The following BCAS1 variants were observed in gnomAD, a reference collection of about 807,000 sequenced individuals.
The protein encoded by BCAS1 is brain enriched myelin associated protein 1.
A neutral mutation model predicts 65.4 loss-of-function variants in BCAS1; 46 were observed. That is an observed-to-expected ratio of 0.70 (90% CI 0.55 to 0.90). The LOEUF (loss-of-function observed/expected upper bound fraction) is 0.90. Ranked by LOEUF, BCAS1 falls within the 40% of genes least tolerant of loss-of-function variation. The pLI is 0.00. For missense variants in BCAS1, 793 were observed against 771.2 expected (o/e 1.03, Z -0.33); for synonymous variants, 298 against 293.5 (o/e 1.02, Z -0.16).
At chr20:54,059,675 C>T (rs1316357078) in intron 1 of BCAS1, among the ~76,000 whole-genome samples, 1 of 152,216 alleles carries the variant, frequency 6.6e-6, no homozygotes, top group Non-Finnish European at 1.5e-5. Flanking sequence ...GCCTACTACA[C>T]TCCTAGGCTG....
chr20:53,945,091 G>T, intron 12 of BCAS1, 95 bp from the exon 13 acceptor site: 1 of 1,087,148 alleles, frequency 9.2e-7, no homozygotes, highest in Non-Finnish European at 1.4e-6. Context: ...TGTGCTAGGT[G>T]TTGGGCTAAA....
At chr20:53,991,237 G>A (rs2090751647) in intron 7 of BCAS1, among the ~76,000 whole-genome samples, 1 of 152,192 alleles carries the variant, frequency 6.6e-6, no homozygotes. Flanking sequence ...TTTCCCAGCA[G>A]TTACTAAGTT....
At chr20:54,028,354 GCATTCAGAA>G (rs2091722102) in intron 4 of BCAS1, 29 bp downstream of exon 4, 3 of 1,606,430 alleles carry the variant, frequency 1.9e-6, no homozygotes, top group Non-Finnish European at 2.6e-6. Flanking sequence ...CCCCGAGCAT[GCATTCAGAA>G]CCAAGTGGAT....
At position 53,953,623 on chromosome 20, in the gene BCAS1, C is replaced by CT; in HGVS notation, c.1623dup (p.Glu542ArgfsTer51). 1.2e-6 allele frequency: 2 copies of CT among 1,613,862 alleles called. No homozygotes were observed. Among genetic ancestry groups the CT allele is most frequent in the Non-Finnish European group, 1.7e-6 (2 of 1,179,988 alleles). On this transcript the variant is annotated frameshift_variant, in exon 12 of 13. Transcript: ENST00000688948. LOFTEE classifies it high-confidence loss of function. The stretch of plus-strand genomic sequence containing the variant: ...GACTTCTTGTCCTTCGAGGAGCCCT[C>CT]TTTACCCTTCTGTGGTGCTCCTGTT...
intron 3 of BCAS1, among the ~76,000 whole-genome samples, chr20:54,041,065 G>C (rs906027560): frequency 6.6e-6 from 1 of 151,362 alleles, no homozygotes; most frequent in African/African-American, 2.4e-5. Context: ...CTAAGTGAAA[G>C]ACGCCAGACA....
intron 12 of BCAS1, among the ~76,000 whole-genome samples, chr20:53,953,103 A>C (rs79158080): frequency 6.6e-6 from 1 of 152,232 alleles, no homozygotes; most frequent in East Asian, 1.9e-4. Context: ...TTACTTCTAC[A>C]TGCTGATTGC....
intron 9 of BCAS1, among the ~76,000 whole-genome samples, chr20:53,971,583 T>C (rs2090181117): frequency 6.6e-6 from 1 of 152,194 alleles, no homozygotes; most frequent in African/African-American, 2.4e-5. Flanking sequence ...CTCATTTACT[T>C]TGGACTGAGT....
chr20:53,944,850 T>C lies in BCAS1; in HGVS notation c.*72A>G, dbSNP rs532384806. 5.1e-6 allele frequency: 7 copies of C among 1,359,318 alleles called. No homozygotes were observed. The highest frequency in any genetic ancestry group is 1.4e-5 in the African/African-American group (1 of 69,836). The allele number at this position is 1,359,318 out of a possible 1,614,324, so 84.2% of individuals were successfully genotyped here. ...AGAAGAATATATACATGGAGCGTGTTTGGGGAGGAGATGGAGTAAGGAGAA... is the reference window on the plus strand; with the variant it reads ...AGAAGAATATATACATGGAGCGTGTCTGGGGAGGAGATGGAGTAAGGAGAA... On this transcript the variant is annotated 3_prime_UTR_variant, in exon 13 of 13. Coordinates refer to ENST00000688948, the MANE Select transcript of BCAS1 (RefSeq NM_001366298.2).
intron 4 of BCAS1, among the ~76,000 whole-genome samples, chr20:53,998,266 A>T (rs974533283): frequency 3.3e-5 from 5 of 152,122 alleles, no homozygotes; most frequent in Non-Finnish European, 4.4e-5. Flanking sequence ...ATTTTAATGG[A>T]CGATTGTATT....
chr20:54,007,051 T>C (rs2091213475), intron 4 of BCAS1, among the ~76,000 whole-genome samples: 1 of 152,114 alleles, frequency 6.6e-6, no homozygotes, highest in Non-Finnish European at 1.5e-5. Context: ...TTCTCTGAAG[T>C]TGGCGTGGAG....
At position 53,995,040 on chromosome 20, in the gene BCAS1, G is replaced by A; in HGVS notation, c.899C>T (p.Ala300Val). The change falls in exon 6 of 13, where the codon GCT becomes GTT. Residue 300 changes from alanine to valine, a missense_variant. Ala to Val is a moderately conservative substitution (Grantham distance 64, BLOSUM62 0). Transcript: ENST00000688948. Reference sequence around the variant, plus strand: ...GTCTTCTGGGTCCTTTTTTGTTTCAGCTTTGTTAGGTGAAACCTTAAAAGT... The same window carrying A: ...GTCTTCTGGGTCCTTTTTTGTTTCAACTTTGTTAGGTGAAACCTTAAAAGT... ...FFKTLVSPNK[A>V]ETKKDPEDTA... is the part of the protein sequence containing the mutation. 6.2e-7 allele frequency: 1 copy of A among 1,613,232 alleles called. No individual in the cohort carries two copies. The highest frequency in any genetic ancestry group is 8.5e-7 in the Non-Finnish European group (1 of 1,179,530).
chr20:54,010,293 C>T (rs1371833258), intron 4 of BCAS1, among the ~76,000 whole-genome samples: 1 of 151,846 alleles, frequency 6.6e-6, no homozygotes, highest in East Asian at 1.9e-4. Context: ...TAAAACTGTC[C>T]CCAGAGAAGA....
chr20:54,062,875 G>T (rs2092392657), intron 1 of BCAS1, among the ~76,000 whole-genome samples: 1 of 152,230 alleles, frequency 6.6e-6, no homozygotes, highest in African/African-American at 2.4e-5. Context: ...GCTCCTGCCT[G>T]TCCATCAACC....
intron 7 of BCAS1, among the ~76,000 whole-genome samples, chr20:53,988,863 AG>A (rs1192973284): frequency 6.6e-6 from 1 of 152,216 alleles, no homozygotes; most frequent in African/African-American, 2.4e-5. Context: ...AGCTGAATCC[AG>A]GGAGTCTGAT....
intron 4 of BCAS1, among the ~76,000 whole-genome samples, chr20:54,026,516 T>C (rs1365568539): frequency 6.6e-6 from 1 of 152,192 alleles, no homozygotes; most frequent in African/African-American, 2.4e-5. Context: ...CGGACACCTG[T>C]CCAAAGATGA....
chr20:54,047,871 G>T (rs932811569), intron 3 of BCAS1, among the ~76,000 whole-genome samples: 1 of 152,200 alleles, frequency 6.6e-6, no homozygotes, highest in Admixed American at 6.5e-5. Flanking sequence ...TTTCCCATTG[G>T]TTACTTGGTG....
intron 12 of BCAS1, among the ~76,000 whole-genome samples, chr20:53,950,249 C>T (rs760157401): frequency 6.6e-6 from 1 of 152,200 alleles, no homozygotes; most frequent in Non-Finnish European, 1.5e-5. Flanking sequence ...GGCCTTGTTT[C>T]TCTTCCTGAA....
intron 4 of BCAS1, among the ~76,000 whole-genome samples, chr20:54,022,437 A>G (rs905458119): frequency 2.0e-5 from 3 of 152,218 alleles, no homozygotes; most frequent in Non-Finnish European, 2.9e-5. Flanking sequence ...AATTTAGAAA[A>G]TATACAGTTT....
intron 3 of BCAS1, among the ~76,000 whole-genome samples, chr20:54,031,451 A>G (rs1256176373): frequency 6.6e-6 from 1 of 151,382 alleles, no homozygotes; most frequent in Non-Finnish European, 1.5e-5. Flanking sequence ...AGGTGGGTAC[A>G]TACCCAAGTC....
Sources: allele counts gnomAD v4.1 joint callset (sites outside exome capture counted in the v4.1 genomes callset), GRCh38; gene constraint gnomAD v4.1.1; transcripts MANE v1.5; gene names NCBI Gene and HGNC (gene_info 2026-07-23, HGNC 2026-07-21).